Variants in HS6ST3 observed in about 807,000 individuals in gnomAD.
HS6ST3 encodes heparan sulfate 6-O-sulfotransferase 3, also known as heparan-sulfate 6-O-sulfotransferase 3.
In HS6ST3, 12 loss-of-function variants were observed where a neutral mutation model predicts 36.7. That is an observed-to-expected ratio of 0.33 (90% CI 0.21 to 0.53). The LOEUF is 0.53. HS6ST3 is among the 20% of genes least tolerant of loss of function. The pLI is 0.95. For missense variants in HS6ST3, 584 were observed against 640.9 expected (o/e 0.91, Z 0.96); for synonymous variants, 240 against 257.5 (o/e 0.93, Z 0.65).
chr13:96,340,627 A>G (rs937496732), intron 1 of HS6ST3, among the ~76,000 whole-genome samples: 12 of 152,204 alleles, frequency 7.9e-5, no homozygotes, highest in Non-Finnish European at 1.8e-4. Context: ...GGACCTGCTC[A>G]GGTTTCCCAA....
At chr13:96,367,937 A>G (rs1050030781) in intron 1 of HS6ST3, among the ~76,000 whole-genome samples, 5 of 152,188 alleles carry the variant, frequency 3.3e-5, no homozygotes, top group South Asian at 2.1e-4. Context: ...TGATAGCTCA[A>G]TGAAAACTCA....
intron 1 of HS6ST3, among the ~76,000 whole-genome samples, chr13:96,626,965 G>A (rs1247914575): frequency 1.3e-5 from 2 of 152,064 alleles, no homozygotes; most frequent in Non-Finnish European, 2.9e-5. Flanking sequence ...TGTTTTGTAT[G>A]CTGTGAATAC....
chr13:96,149,976 G>A (rs2054077129), intron 1 of HS6ST3, among the ~76,000 whole-genome samples: 1 of 152,204 alleles, frequency 6.6e-6, no homozygotes, highest in East Asian at 1.9e-4. Context: ...TCATAGGTTG[G>A]TGAGCGGGAC....
At chr13:96,681,441 T>A (rs1347694660) in intron 1 of HS6ST3, among the ~76,000 whole-genome samples, 2 of 152,130 alleles carry the variant, frequency 1.3e-5, no homozygotes, top group Non-Finnish European at 2.9e-5. Flanking sequence ...TCTACCCTCC[T>A]GCTACTGGAC....
At chr13:96,452,765 A>C (rs915125540) in intron 1 of HS6ST3, among the ~76,000 whole-genome samples, 1 of 152,062 alleles carries the variant, frequency 6.6e-6, no homozygotes, top group African/African-American at 2.4e-5. Context: ...CATACCCTGG[A>C]GTATGGAATT....
intron 1 of HS6ST3, among the ~76,000 whole-genome samples, chr13:96,378,352 C>T (rs1017864064): frequency 7.2e-5 from 11 of 152,120 alleles, no homozygotes; most frequent in African/African-American, 1.4e-4. Context: ...GACTTAGCTT[C>T]GGAAGAGGTG....
chr13:96,449,332 C>G (rs1161775113), intron 1 of HS6ST3, among the ~76,000 whole-genome samples: 2 of 152,186 alleles, frequency 1.3e-5, no homozygotes, highest in African/African-American at 4.8e-5. Flanking sequence ...CTCTCCCCTT[C>G]CACTCCAGGA....
At chr13:96,592,562 G>A (rs1477902140) in intron 1 of HS6ST3, among the ~76,000 whole-genome samples, 9 of 152,100 alleles carry the variant, frequency 5.9e-5, no homozygotes, top group Admixed American at 5.9e-4. Flanking sequence ...TTTACTTTAA[G>A]ACTAAAATAC....
intron 1 of HS6ST3, among the ~76,000 whole-genome samples, chr13:96,618,259 T>A (rs1353356237): frequency 1.3e-5 from 2 of 152,080 alleles, no homozygotes; most frequent in Non-Finnish European, 2.9e-5. Flanking sequence ...CCACCACACC[T>A]GGATAATTTT....
rs920397281 is a variant in HS6ST3, at chr13:96,611,224, C to T, written c.708-221266C>T. Reference sequence around the variant, plus strand: ...TATGAATACATGTGCCATGCTGGTGCGCTGCACCCACTAACTCGTCTTCTA... The same window carrying T: ...TATGAATACATGTGCCATGCTGGTGTGCTGCACCCACTAACTCGTCTTCTA... On this transcript the variant is annotated intron_variant, in intron 1 of 1. Transcript: ENST00000376705. Among the ~76,000 whole-genome samples, 27 of 151,270 alleles carry T rather than the reference C, an allele frequency of 1.8e-4. No individual in the cohort carries two copies. In the South Asian group the frequency reaches 2.1e-3, roughly 12 times the overall value.
intron 1 of HS6ST3, among the ~76,000 whole-genome samples, chr13:96,515,543 T>G (rs1190101661): frequency 6.6e-6 from 1 of 152,226 alleles, no homozygotes; most frequent in Non-Finnish European, 1.5e-5. Flanking sequence ...CTTTCTCCTT[T>G]CATCTTACAT....
chr13:96,525,801 C>T (rs2056111421), intron 1 of HS6ST3, among the ~76,000 whole-genome samples: 1 of 152,214 alleles, frequency 6.6e-6, no homozygotes, highest in South Asian at 2.1e-4. Context: ...TCTACAGCTA[C>T]TTACTGTGTA....
chr13:96,308,149 AT>A (rs951847623), intron 1 of HS6ST3, among the ~76,000 whole-genome samples: 2 of 152,130 alleles, frequency 1.3e-5, no homozygotes, highest in African/African-American at 4.8e-5. Flanking sequence ...TTATTCTTAT[AT>A]TTAGAGGACT....
At chr13:96,765,114 C>T (rs1417738454) in intron 1 of HS6ST3, among the ~76,000 whole-genome samples, 3 of 144,134 alleles carry the variant, frequency 2.1e-5, no homozygotes, top group African/African-American at 5.3e-5. Context: ...TCGCCCACGC[C>T]GGACTGCGGA....
chr13:96,132,445 C>T (rs1232963061), intron 1 of HS6ST3, among the ~76,000 whole-genome samples: 1 of 151,718 alleles, frequency 6.6e-6, no homozygotes, highest in East Asian at 1.9e-4. Flanking sequence ...TGCTCTGTCA[C>T]CCAGGCTGGA....
At chr13:96,505,208 G>C (rs1296520067) in intron 1 of HS6ST3, among the ~76,000 whole-genome samples, 1 of 152,146 alleles carries the variant, frequency 6.6e-6, no homozygotes, top group African/African-American at 2.4e-5. Context: ...ATTCCCAAAA[G>C]ATAGGCAGGC....
At chr13:96,473,001 A>C (rs2138891789) in intron 1 of HS6ST3, among the ~76,000 whole-genome samples, 1 of 152,256 alleles carries the variant, frequency 6.6e-6, no homozygotes, top group East Asian at 1.9e-4. Flanking sequence ...TTTCATTTAG[A>C]GAATCCATAT....
intron 1 of HS6ST3, among the ~76,000 whole-genome samples, chr13:96,543,952 G>T (rs987585931): frequency 3.8e-4 from 55 of 145,844 alleles, no homozygotes; most frequent in Non-Finnish European, 3.5e-4. Context: ...ATGATGGGGA[G>T]ATATATATAT....
At chr13:96,286,780 C>G (rs1475044744) in intron 1 of HS6ST3, among the ~76,000 whole-genome samples, 1 of 152,114 alleles carries the variant, frequency 6.6e-6, no homozygotes, top group Non-Finnish European at 1.5e-5. Context: ...GGTTTTAACA[C>G]TGGATATGTG....
Sources: allele counts gnomAD v4.1 joint callset (sites outside exome capture counted in the v4.1 genomes callset), GRCh38; gene constraint gnomAD v4.1.1; transcripts MANE v1.5; gene names NCBI Gene and HGNC (gene_info 2026-07-23, HGNC 2026-07-21).